CLASP2: variants seen among roughly 807,000 people sequenced by gnomAD.
The protein encoded by CLASP2 is CLIP-associating protein 2.
In CLASP2, 47 loss-of-function variants were observed where a neutral mutation model predicts 194.4. The observed-to-expected ratio is 0.24, with a 90% CI of 0.19 to 0.31. The LOEUF is 0.31. Among genes scored for constraint, CLASP2 ranks in the 10% least tolerant of loss-of-function variants. The probability of loss-of-function intolerance (pLI) is 1.00; values close to 1 mark genes in which losing one functional copy is unlikely to be tolerated. For missense variants in CLASP2, 1,445 were observed against 1,823.6 expected (o/e 0.79, Z 3.78); for synonymous variants, 619 against 633.5 (o/e 0.98, Z 0.34).
At chr3:33,669,677 T>C (rs2086800283) in intron 6 of CLASP2, among the ~76,000 whole-genome samples, 1 of 152,048 alleles carries the variant, frequency 6.6e-6, no homozygotes, top group East Asian at 1.9e-4. Flanking sequence ...TGCTTCTCTC[T>C]ATTTGTAATC....
intron 6 of CLASP2, among the ~76,000 whole-genome samples, chr3:33,663,978 T>C (rs937086826): frequency 7.2e-5 from 11 of 152,186 alleles, no homozygotes; most frequent in African/African-American, 2.4e-4. Flanking sequence ...AATCTGATGC[T>C]ATCCCTGTTT....
chr3:33,564,386 G>A (rs1232590776), intron 27 of CLASP2, among the ~76,000 whole-genome samples: 1 of 152,124 alleles, frequency 6.6e-6, no homozygotes, highest in Non-Finnish European at 1.5e-5. Context: ...ACTCAGGCTA[G>A]CTACTTCGAA....
chr3:33,645,908 C>T (rs1178058259), intron 7 of CLASP2, among the ~76,000 whole-genome samples: 2 of 147,402 alleles, frequency 1.4e-5, no homozygotes, highest in Non-Finnish European at 3.0e-5. Context: ...TACTTATATG[C>T]AAATGAAACA....
intron 3 of CLASP2, among the ~76,000 whole-genome samples, chr3:33,688,738 T>C (rs2091005360): frequency 6.6e-6 from 1 of 152,190 alleles, no homozygotes; most frequent in Non-Finnish European, 1.5e-5. Flanking sequence ...AGTATTTAAG[T>C]GGTCCAACAT....
In CLASP2 at chr3:33,576,242, A is replaced by G. The variant is rs746397949; in HGVS notation, c.2381T>C (p.Leu794Pro). Residue 794 changes from leucine (L) to proline (P), a missense_variant, in exon 24 of 39, where the codon CTG (leucine) becomes CCG (proline). Leu to Pro is a moderately conservative substitution (Grantham distance 98, BLOSUM62 -3). Around this residue, in one of 4 missense-constraint regions of CLASP2, gnomAD observed 732 missense variants for 987.9 expected, o/e 0.74. Coordinates refer to ENST00000682230, the MANE Select transcript of CLASP2 (RefSeq NM_001365631.1). ...PGYGISQSSR[L>P]SSSVSAMRVL... ...TCGCATGGCACTAACAGAAGACGAC[A>G]GTCGACTTGATTGGCTGATCCCATA... is the stretch of plus-strand genomic sequence containing the variant. 2.5e-6 allele frequency: 4 copies of G among 1,613,640 alleles called. No homozygotes were observed. Among genetic ancestry groups the G allele is most frequent in the Middle Eastern group, 1.6e-4 (1 of 6,082 alleles).
intron 8 of CLASP2, among the ~76,000 whole-genome samples, chr3:33,638,897 A>G (rs114163837): frequency 0.03 from 4,607 of 152,328 alleles, 97 homozygotes; most frequent in South Asian, 0.052. Context: ...TTGTATTCCT[A>G]TAAGAGACTT....
intron 34 of CLASP2, among the ~76,000 whole-genome samples, chr3:33,532,933 C>G (rs892048440): frequency 1.3e-5 from 2 of 152,088 alleles, no homozygotes; most frequent in South Asian, 4.1e-4. Context: ...AAGTGTTTAA[C>G]GTGACAGAGC....
intron 1 of CLASP2, among the ~76,000 whole-genome samples, chr3:33,699,580 G>A (rs2092223632): frequency 6.6e-6 from 1 of 152,100 alleles, no homozygotes; most frequent in Non-Finnish European, 1.5e-5. Context: ...CCCCTTATCT[G>A]TTTAAGTAAT....
chr3:33,682,787 A>G (rs2090044644), intron 6 of CLASP2, among the ~76,000 whole-genome samples: 1 of 152,176 alleles, frequency 6.6e-6, no homozygotes, highest in Non-Finnish European at 1.5e-5. Context: ...AACAAAAACA[A>G]AAACAAAAAC....
intron 25 of CLASP2, 31 bp from the exon 26 acceptor site, chr3:33,570,821 T>G: frequency 6.6e-7 from 1 of 1,524,952 alleles, no homozygotes; most frequent in Non-Finnish European, 8.9e-7. Flanking sequence ...TTAATTAATA[T>G]CTTGCTGTAG....
intron 1 of CLASP2, among the ~76,000 whole-genome samples, chr3:33,704,691 T>C (rs1266020809): frequency 2.0e-5 from 3 of 152,010 alleles, no homozygotes; most frequent in Non-Finnish European, 2.9e-5. Flanking sequence ...AGGTGGAGGT[T>C]GCAGTGAGCC....
rs536916648 is a variant in CLASP2, at chr3:33,615,588, T to C, written c.1318-3517A>G. On this transcript the variant is annotated intron_variant, in intron 12 of 38. Coordinates refer to ENST00000682230, the MANE Select transcript of CLASP2 (RefSeq NM_001365631.1). ...AAAAAAAAAAGAGACCATAAAGAAC[T>C]TGAATAACGTAAATAAAACATAAGC... Among the ~76,000 whole-genome samples the C allele has an allele frequency of 4.1e-4, 62 of 151,044 alleles. No individual in the cohort carries two copies. In the South Asian group the frequency reaches 0.011, roughly 26 times the overall value.
At chr3:33,616,964 C>G (rs901154442) in intron 12 of CLASP2, among the ~76,000 whole-genome samples, 1 of 150,844 alleles carries the variant, frequency 6.6e-6, no homozygotes, top group Non-Finnish European at 1.5e-5. Flanking sequence ...GGTCTTGACT[C>G]CTGTGATCGA....
intron 4 of CLASP2, among the ~76,000 whole-genome samples, chr3:33,688,033 T>C (rs1348592729): frequency 6.6e-6 from 1 of 152,206 alleles, no homozygotes; most frequent in African/African-American, 2.4e-5. Flanking sequence ...ACCATCTGTT[T>C]TGGGTGGCTA....
At position 33,606,692 on chromosome 3, in the gene CLASP2, T is replaced by C. The variant is rs1047288933; in HGVS notation, c.1593A>G (p.Pro531=). 2 of 1,613,262 alleles carry C rather than the reference T, an allele frequency of 1.2e-6. No homozygotes were observed. The highest frequency in any genetic ancestry group is 1.3e-5 in the African/African-American group (1 of 74,910). The change falls in exon 16 of 39, where the codon CCA becomes CCG. Residue 531 remains proline (P), a synonymous_variant. Transcript: ENST00000682230. ...AAGTTTGAAGACTCTTCTGATAAGATGGCTCAAGGGAATTATATAATGTTT... is the reference window on the plus strand; with the variant it reads ...AAGTTTGAAGACTCTTCTGATAAGACGGCTCAAGGGAATTATATAATGTTT... The part of the protein sequence containing the change: ...EAETLYNSLE[P]SYQKSLQTYL...
chr3:33,690,497 TACTATC>T (rs751037444), intron 2 of CLASP2, among the ~76,000 whole-genome samples: 8 of 152,208 alleles, frequency 5.3e-5, no homozygotes, highest in Non-Finnish European at 8.8e-5. Flanking sequence ...ATATGCCACC[TACTATC>T]ACTATCACTA....
chr3:33,537,377 A>T (rs2057546124), intron 33 of CLASP2, among the ~76,000 whole-genome samples: 1 of 152,186 alleles, frequency 6.6e-6, no homozygotes, highest in Non-Finnish European at 1.5e-5. Flanking sequence ...CAACAGCAGG[A>T]AAGATGGCAG....
chr3:33,614,758 T>A (rs954477193), intron 12 of CLASP2, among the ~76,000 whole-genome samples: 18 of 152,200 alleles, frequency 1.2e-4, no homozygotes, highest in African/African-American at 4.3e-4. Context: ...AGTGCTGGGA[T>A]TACAGGAGTG....
chr3:33,584,532 C>T (rs1268698138), intron 22 of CLASP2, among the ~76,000 whole-genome samples: 3 of 151,760 alleles, frequency 2.0e-5, no homozygotes, highest in Non-Finnish European at 2.9e-5. Flanking sequence ...TCCCAAAGTG[C>T]TGGGATTACA....
Sources: allele counts gnomAD v4.1 joint callset (sites outside exome capture counted in the v4.1 genomes callset), GRCh38; gene constraint gnomAD v4.1.1; regional missense constraint gnomAD v4.1.1; transcripts MANE v1.5; gene names NCBI Gene and HGNC (gene_info 2026-07-23, HGNC 2026-07-21).